Variants in DPP6 observed in about 807,000 individuals in gnomAD.
DPP6 encodes the protein dipeptidyl peptidase like 6, also known as A-type potassium channel modulatory protein DPP6.
DPP6 carries 69 observed loss-of-function variants against 122.6 expected under a neutral mutation model. The ratio of observed to expected loss-of-function variants is 0.56; its 90% CI spans 0.46 to 0.69. DPP6 has a LOEUF of 0.69. Ranked by LOEUF, DPP6 falls within the 30% of genes least tolerant of loss-of-function variation. The pLI is 0.00. For missense variants in DPP6, 928 were observed against 1,116.9 expected, an observed-to-expected ratio of 0.83 and a Z score of 2.41; for synonymous variants, 418 against 433.1, an observed-to-expected ratio of 0.97 and a Z score of 0.43.
At chr7:154,057,994 A>G (rs1801014009) in intron 1 of DPP6, 1 of 150,638 alleles carries the variant, frequency 6.6e-6, no homozygotes, top group African/African-American at 2.5e-5. Flanking sequence ...ATTCTTGGGC[A>G]AAACCTGAAC....
chr7:154,228,603 A>G (rs756894258), intron 1 of DPP6, among the ~76,000 whole-genome samples: 11 of 152,214 alleles, frequency 7.2e-5, no homozygotes, highest in Admixed American at 4.6e-4. Context: ...AACCTAAGAT[A>G]TTGTCCTAAG....
chr7:154,802,380 TG>T (rs1448213554), intron 13 of DPP6, among the ~76,000 whole-genome samples: 4 of 150,982 alleles, frequency 2.6e-5, no homozygotes, highest in Non-Finnish European at 5.9e-5. Flanking sequence ...GGAATCGGGG[TG>T]GGGGCTGCGG....
chr7:153,847,702 G>A, the DPP6 span, among the ~76,000 whole-genome samples: 5 of 152,174 alleles, frequency 3.3e-5, no homozygotes, highest in African/African-American at 7.2e-5. Flanking sequence ...TTTGAATGGA[G>A]TTAAAATCTA....
chr7:154,133,703 A>G (rs1033310277), intron 1 of DPP6, among the ~76,000 whole-genome samples: 13 of 152,064 alleles, frequency 8.5e-5, no homozygotes, highest in African/African-American at 2.9e-4. Context: ...CTGGGGCAGC[A>G]GTTCCCCACT....
intron 1 of DPP6, among the ~76,000 whole-genome samples, chr7:154,272,275 C>T (rs1803846276): frequency 6.6e-6 from 1 of 152,216 alleles, no homozygotes; most frequent in Admixed American, 6.5e-5. Flanking sequence ...GAATATTCAT[C>T]AAAGTGAAAA....
intron 1 of DPP6, among the ~76,000 whole-genome samples, chr7:153,996,380 G>A (rs2129044216): frequency 6.6e-6 from 1 of 152,224 alleles, no homozygotes; most frequent in East Asian, 1.9e-4. Flanking sequence ...TAGGGACGGA[G>A]AAGTTCTAAA....
intron 1 of DPP6, among the ~76,000 whole-genome samples, chr7:153,939,211 T>A (rs182928030): frequency 1.1e-3 from 161 of 152,356 alleles, no homozygotes; most frequent in African/African-American, 3.7e-3. Flanking sequence ...TCATATACAG[T>A]ACAAATTCGT....
At chr7:153,890,884 G>T (rs1342600394) in intron 1 of DPP6, among the ~76,000 whole-genome samples, 1 of 145,178 alleles carries the variant, frequency 6.9e-6, no homozygotes, top group Non-Finnish European at 1.5e-5. Context: ...TTTTAGTAGA[G>T]ACGGGGTTTC....
intron 1 of DPP6, among the ~76,000 whole-genome samples, chr7:154,378,918 A>G (rs1200867150): frequency 3.9e-5 from 6 of 152,162 alleles, no homozygotes; most frequent in African/African-American, 7.2e-5. Context: ...CTCACTCACT[A>G]TCACAAGAAC....
chr7:154,795,674 G>A (rs1452182633), intron 11 of DPP6, among the ~76,000 whole-genome samples, 171 bp from the exon 12 acceptor site: 1 of 152,098 alleles, frequency 6.6e-6, no homozygotes, highest in Non-Finnish European at 1.5e-5. Flanking sequence ...AGGAGAGCTC[G>A]GGATTGCCTC....
chr7:154,235,599 A>C (rs11765393), intron 1 of DPP6, among the ~76,000 whole-genome samples: 1,359 of 121,468 alleles, frequency 0.011, 54 homozygotes, highest in African/African-American at 0.039. Context: ...CAGTGTTTTA[A>C]AGCCCCTTTC....
chr7:154,745,981 C>A (rs751184479), intron 8 of DPP6, among the ~76,000 whole-genome samples: 3 of 152,178 alleles, frequency 2.0e-5, no homozygotes, highest in Non-Finnish European at 2.9e-5. Context: ...CAGGCCATAG[C>A]AGGGCATATA....
At chr7:154,499,816 C>T (rs973732368) in intron 3 of DPP6, among the ~76,000 whole-genome samples, 1 of 152,022 alleles carries the variant, frequency 6.6e-6, no homozygotes, top group Non-Finnish European at 1.5e-5. Flanking sequence ...TGTGGGGGTC[C>T]TAAAGACAAC....
chr7:154,500,641 C>T (rs1563767365), intron 3 of DPP6, among the ~76,000 whole-genome samples: 1 of 152,192 alleles, frequency 6.6e-6, no homozygotes, highest in Non-Finnish European at 1.5e-5. Flanking sequence ...TGCCTTTTAC[C>T]TTCCACCAGG....
At chr7:154,865,800 C>T (rs1803820560) in intron 17 of DPP6, among the ~76,000 whole-genome samples, 1 of 152,088 alleles carries the variant, frequency 6.6e-6, no homozygotes, top group Admixed American at 6.5e-5. Flanking sequence ...TTTCCTGGGG[C>T]CACATGGGAA....
At chr7:153,944,694 A>G (rs1244577055) in intron 1 of DPP6, among the ~76,000 whole-genome samples, 1 of 117,826 alleles carries the variant, frequency 8.5e-6, no homozygotes, top group Non-Finnish European at 1.7e-5. Flanking sequence ...TTTGAGACAG[A>G]ATTTCGGCCC....
intron 10 of DPP6, among the ~76,000 whole-genome samples, chr7:154,784,682 T>TC (rs1399369534): frequency 6.6e-6 from 1 of 152,184 alleles, no homozygotes; most frequent in East Asian, 1.9e-4. Flanking sequence ...CCCGTCACAA[T>TC]CAGGCAGGGG....
At chr7:154,567,232 G>T (rs550434559) in intron 5 of DPP6, among the ~76,000 whole-genome samples, 1 of 152,262 alleles carries the variant, frequency 6.6e-6, no homozygotes, top group Admixed American at 6.5e-5. Flanking sequence ...TGTTTTCTCA[G>T]TGAAATAATA....
chr7:153,963,438 C>T (rs936818325), intron 1 of DPP6, among the ~76,000 whole-genome samples: 3 of 146,484 alleles, frequency 2.0e-5, no homozygotes, highest in African/African-American at 7.4e-5. Context: ...ATTTAGTGCT[C>T]CTAGGGTGGC....
Sources: allele counts gnomAD v4.1 joint callset (sites outside exome capture counted in the v4.1 genomes callset), GRCh38; gene constraint gnomAD v4.1.1; transcripts MANE v1.5; gene names NCBI Gene and HGNC (gene_info 2026-07-23, HGNC 2026-07-21).